AOX1: variants seen among roughly 807,000 people sequenced by gnomAD.
AOX1 encodes the protein aldehyde oxidase 1, also known as aldehyde oxidase.
Under a neutral mutation model 169.5 loss-of-function variants are expected in AOX1, and 153 were observed. That is an observed-to-expected ratio of 0.90 (90% CI 0.79 to 1.03). The LOEUF is 1.03. AOX1 is among the 50% of genes least tolerant of loss of function. AOX1 has a pLI of 0.00. For synonymous variants in AOX1, 562 were observed against 581.9 expected (o/e 0.97, Z 0.49); for missense variants, 1,656 against 1,663.9 (o/e 1.00, Z 0.08).
chr2:200,606,655 C>T (rs1559235224), intron 10 of AOX1, among the ~76,000 whole-genome samples: 1 of 152,096 alleles, frequency 6.6e-6, no homozygotes, highest in Non-Finnish European at 1.5e-5. Flanking sequence ...TCTCTTATTT[C>T]CTTAAGCAGT....
chr2:200,661,573 T>C lies in AOX1; in HGVS notation c.3376-6T>C. The stretch of plus-strand genomic sequence containing the variant: ...TGTTGCATCATGCTATGCTCTTCCT[T>C]CACAGGCACAGACTGCTTTTGATGA... On this transcript the variant is annotated splice_polypyrimidine_tract_variant and splice_region_variant and intron_variant, in intron 29 of 34. Coordinates refer to ENST00000374700, the MANE Select transcript of AOX1 (RefSeq NM_001159.4). 3 of 1,612,494 alleles carry C rather than the reference T, an allele frequency of 1.9e-6. No individual in the cohort carries two copies. The South Asian group carries it at 3.3e-5, about 18-fold the overall frequency.
intron 32 of AOX1, among the ~76,000 whole-genome samples, chr2:200,668,106 TA>T (rs1394841351): frequency 6.8e-6 from 1 of 147,726 alleles, no homozygotes; most frequent in African/African-American, 2.6e-5. Context: ...TTATTATTAT[TA>T]TTATTTTTTT....
At chr2:200,623,353 G>A (rs1272328932) in intron 18 of AOX1, among the ~76,000 whole-genome samples, 2 of 152,228 alleles carry the variant, frequency 1.3e-5, no homozygotes, top group Non-Finnish European at 2.9e-5. Flanking sequence ...GTCTTGGCTA[G>A]GACATCTTTT....
Position 200,604,958 on chromosome 2 carries a change from A to C in AOX1, c.814+118A>C, listed in dbSNP as rs185191519. 479 of 904,564 alleles carry C rather than the reference A, an allele frequency of 5.3e-4. 3 individuals are homozygous for C. The African/African-American group carries it at 7.6e-3, about 14-fold the overall frequency. The allele number at this position is 904,564 out of a possible 1,614,324, so 56.0% of individuals were successfully genotyped here. A position where few individuals can be genotyped will look rare whatever the true frequency, so the allele number is the denominator to read the frequency against. On this transcript the variant is annotated intron_variant, in intron 9 of 34. Transcript: ENST00000374700. ...GTTCTCAGGAAAAGCAGTCTGAAAT[A>C]GCATTTTTAATCATTTGAGCTAGAC...
rs760108206 is a variant in AOX1 at position 200,620,726 on chromosome 2, C to T, written c.1781C>T (p.Thr594Met). 3.7e-5 allele frequency: 59 copies of T among 1,604,972 alleles called. No individual in the cohort carries two copies. The highest frequency in any genetic ancestry group is 6.8e-5 in the South Asian group (6 of 88,312). Residue 594 changes from threonine (T) to methionine (M), a missense_variant, in exon 17 of 35, where the codon ACG becomes ATG. By Grantham distance (81) the Thr-to-Met change is moderately conservative (BLOSUM62 -1). Transcript: ENST00000374700. ...IMHLSGVKHA[T>M]GEAIYCDDMP... ...CATCTGTCTGGTGTGAAGCATGCCA[C>T]GGGGGAGGCCATCTACTGTGATGAC... is the stretch of plus-strand genomic sequence containing the variant.
In AOX1 at chr2:200,609,385, G is replaced by A. The variant is rs761848463; in HGVS notation, c.1124G>A (p.Gly375Asp). Residue 375 changes from glycine to aspartate, a missense_variant, in exon 12 of 35, where the codon GGT (glycine) becomes GAT (aspartate). Coordinates refer to ENST00000374700, the MANE Select transcript of AOX1 (RefSeq NM_001159.4). ...DSDLNPILAV[G>D]NCTLNLLSKE... ...GATCTGAATCCCATCCTGGCTGTGG[G>A]TAACTGTACCCTCAACTTGCTATCA... 46 of 1,613,948 alleles carry A rather than the reference G, an allele frequency of 2.9e-5. No homozygotes were observed. The South Asian group carries it at 4.7e-4, about 17-fold the overall frequency.
At position 200,586,080 on chromosome 2, in the gene AOX1, C is replaced by G; in HGVS notation, c.-29C>G. On this transcript the variant is annotated 5_prime_UTR_variant, in exon 1 of 35. Transcript: ENST00000374700. ...TTCCCAGAACCTCCGCCTCCCGCTC[C>G]GGGCCCTCGAACCAGCGCGGACACC... The G allele has an allele frequency of 6.5e-7, 1 of 1,549,872 alleles. No homozygotes were observed. Among genetic ancestry groups the G allele is most frequent in the Non-Finnish European group, 8.7e-7 (1 of 1,147,774 alleles).
At chr2:200,601,998 C>A (rs946797675) in intron 5 of AOX1, among the ~76,000 whole-genome samples, 2 of 151,646 alleles carry the variant, frequency 1.3e-5, no homozygotes, top group Admixed American at 1.3e-4. Context: ...GACTGTAGAG[C>A]AAGTTTTTGG....
At chr2:200,629,557 A>G (rs2035072054) in intron 20 of AOX1, among the ~76,000 whole-genome samples, 1 of 152,194 alleles carries the variant, frequency 6.6e-6, no homozygotes, top group Non-Finnish European at 1.5e-5. Flanking sequence ...TTAGAATTGT[A>G]GAGGATCCAA....
intron 10 of AOX1, among the ~76,000 whole-genome samples, chr2:200,608,023 G>T (rs146675789): frequency 6.6e-6 from 1 of 152,212 alleles, no homozygotes; most frequent in East Asian, 1.9e-4. Context: ...TGCATGCAAG[G>T]CTTAAAACCT....
rs1228948031 is a variant in AOX1 at position 200,608,886 on chromosome 2, A to G, written c.908-98A>G. ...ATCACCAATAAGCAGGGCAGCATGT[A>G]TCCAGTATAAAGATTCTATGTCTGT... On this transcript the variant is annotated intron_variant, in intron 10 of 34. Transcript: ENST00000374700. 7 of 1,051,832 alleles carry G rather than the reference A, an allele frequency of 6.7e-6. No homozygotes were observed. In the African/African-American group the frequency reaches 1.1e-4, roughly 17 times the overall value. The allele number at this position is 1,051,832 out of a possible 1,614,324, so 65.2% of individuals were successfully genotyped here.
chr2:200,662,904 G>A lies in AOX1; in HGVS notation c.3478G>A (p.Glu1160Lys), dbSNP rs142723794. The A allele has an allele frequency of 4.9e-4, 791 of 1,613,902 alleles. No homozygotes were observed. The highest frequency in any genetic ancestry group is 7.9e-4 in the South Asian group (72 of 91,080). The change falls in exon 31 of 35, where the codon GAA (glutamate) becomes AAA (lysine). Residue 1160 changes from glutamate (E) to lysine (K), a missense_variant. By Grantham distance (56) the Glu-to-Lys change is moderately conservative. Coordinates refer to ENST00000374700, the MANE Select transcript of AOX1 (RefSeq NM_001159.4). ...NWEKGEGQPF[E>K]YFVYGAACSE... ...GGAGAAAGGCGAAGGCCAGCCCTTCGAATACTTTGTTTATGGAGCTGCCTG... is the reference window on the plus strand; with the variant it reads ...GGAGAAAGGCGAAGGCCAGCCCTTCAAATACTTTGTTTATGGAGCTGCCTG...
At position 200,612,697 on chromosome 2, in the gene AOX1, A is replaced by G. The variant is rs1420008087; in HGVS notation, c.1352A>G (p.Glu451Gly). Residue 451 changes from glutamate (E) to glycine (G), a missense_variant, in exon 14 of 35, where the codon GAA becomes GGA. Glu to Gly is a moderately conservative substitution (Grantham distance 98). Coordinates refer to ENST00000374700, the MANE Select transcript of AOX1 (RefSeq NM_001159.4). ...TCAGGAATGAGAGTCTTTTTTGGAG[A>G]AGGGGATGGCATTATTAGAGAGTTA... is the stretch of plus-strand genomic sequence containing the variant. ...VNSGMRVFFGEGDGIIRELCI... is the reference protein window; with the variant it reads ...VNSGMRVFFGGGDGIIRELCI... The G allele has an allele frequency of 2.5e-6, 4 of 1,613,910 alleles. No homozygotes were observed. In the Admixed American group the frequency reaches 5.0e-5, roughly 20 times the overall value.
Position 200,668,605 on chromosome 2 carries a change from C to A in AOX1, c.3610-10C>A, listed in dbSNP as rs923759441. 2.5e-6 allele frequency: 4 copies of A among 1,582,118 alleles called. No homozygotes were observed. Among genetic ancestry groups the A allele is most frequent in the Non-Finnish European group, 2.6e-6 (3 of 1,165,602 alleles). On this transcript the variant is annotated splice_polypyrimidine_tract_variant and intron_variant, in intron 32 of 34. Coordinates refer to ENST00000374700, the MANE Select transcript of AOX1 (RefSeq NM_001159.4). ...CATACGTGGAAATTCTTTTTTTGTT[C>A]TTGCCTCAGATTGAAGGTGCATTTA...
intron 25 of AOX1, among the ~76,000 whole-genome samples, chr2:200,650,276 A>C (rs2035555171): frequency 6.6e-6 from 1 of 152,170 alleles, no homozygotes; most frequent in Admixed American, 6.5e-5. Flanking sequence ...TGGCTTACTA[A>C]TTTCCAGTGT....
At chr2:200,668,899 C>A in intron 33 of AOX1, 96 bp downstream of exon 33, 2 of 1,068,670 alleles carry the variant, frequency 1.9e-6, no homozygotes, top group Non-Finnish European at 2.7e-6. Context: ...GGGATTTTTA[C>A]CAGGATTGCA....
At position 200,594,977 on chromosome 2, in the gene AOX1, A is replaced by G. The variant is rs985399233; in HGVS notation, c.104-295A>G. Among the ~76,000 whole-genome samples, 3 of 152,226 alleles carry G rather than the reference A, an allele frequency of 2.0e-5. No homozygotes were observed. In the South Asian group the frequency reaches 6.2e-4, roughly 31 times the overall value. On this transcript the variant is annotated intron_variant, in intron 2 of 34. Transcript: ENST00000374700. ...AATGTGTTCATACCTTCAAATACTC[A>G]AGTGCTTACACATATAGACTCTTCT...
intron 4 of AOX1, among the ~76,000 whole-genome samples, 183 bp downstream of exon 4, chr2:200,597,688 C>T (rs533478168): frequency 6.6e-6 from 1 of 152,312 alleles, no homozygotes; most frequent in African/African-American, 2.4e-5. Flanking sequence ...TTCTGACTAA[C>T]TTGTTGGAAA....
chr2:200,609,215 T>C, intron 11 of AOX1, 80 bp downstream of exon 11: 1 of 1,597,318 alleles, frequency 6.3e-7, no homozygotes, highest in Non-Finnish European at 8.6e-7. Flanking sequence ...TTTCATTCTT[T>C]TGGAACAGAC....
Sources: allele counts gnomAD v4.1 joint callset (sites outside exome capture counted in the v4.1 genomes callset), GRCh38; gene constraint gnomAD v4.1.1; transcripts MANE v1.5; gene names NCBI Gene and HGNC (gene_info 2026-07-23, HGNC 2026-07-21).